CDH13: variants seen among roughly 807,000 people sequenced by gnomAD.
CDH13 encodes the protein cadherin-13.
CDH13 carries 24 observed loss-of-function variants against 63.8 expected under a neutral mutation model. The ratio of observed to expected loss-of-function variants is 0.38; its 90% confidence interval spans 0.27 to 0.53. CDH13 has a LOEUF of 0.53. Among genes scored for constraint, CDH13 ranks in the 20% least tolerant of loss-of-function variants. CDH13 has a pLI of 0.85. For synonymous variants in CDH13, 503 were observed against 355.3 expected (o/e 1.42, Z -4.67); for missense variants, 1,049 against 903.1 (o/e 1.16, Z -2.07).
intron 5 of CDH13, among the ~76,000 whole-genome samples, chr16:83,337,699 G>C (rs942182189): frequency 2.2e-5 from 3 of 134,174 alleles, no homozygotes; most frequent in Non-Finnish European, 3.0e-5. Context: ...GTGGTAGCTA[G>C]GCTGATACTA....
chr16:82,944,875 A>T (rs1410310558), intron 2 of CDH13, among the ~76,000 whole-genome samples: 1 of 152,214 alleles, frequency 6.6e-6, no homozygotes, highest in Non-Finnish European at 1.5e-5. Flanking sequence ...GGTATTAGGT[A>T]AAGCAGGTAT....
chr16:82,680,622 C>T (rs1241096107), intron 1 of CDH13, among the ~76,000 whole-genome samples: 2 of 152,112 alleles, frequency 1.3e-5, no homozygotes, highest in Non-Finnish European at 2.9e-5. Context: ...TATATTACTC[C>T]CCATCCCTGC....
At chr16:82,799,128 C>T (rs183872364) in intron 1 of CDH13, among the ~76,000 whole-genome samples, 17 of 152,122 alleles carry the variant, frequency 1.1e-4, no homozygotes, top group Admixed American at 8.5e-4. Flanking sequence ...TTATATATCC[C>T]CCTAAAATGC....
chr16:82,774,984 C>A (rs529170486), intron 1 of CDH13, among the ~76,000 whole-genome samples: 2 of 152,250 alleles, frequency 1.3e-5, no homozygotes, highest in South Asian at 4.1e-4. Context: ...ACCTGCAGCC[C>A]AGGAGCAAGA....
At chr16:82,721,245 G>A (rs2032752031) in intron 1 of CDH13, among the ~76,000 whole-genome samples, 1 of 151,794 alleles carries the variant, frequency 6.6e-6, no homozygotes, top group Non-Finnish European at 1.5e-5. Context: ...ACTTGGTAGT[G>A]GGTTCACATA....
intron 10 of CDH13, among the ~76,000 whole-genome samples, chr16:83,685,660 G>C (rs1275673146): frequency 6.6e-6 from 1 of 152,198 alleles, no homozygotes; most frequent in Non-Finnish European, 1.5e-5. Context: ...GAAAGGGAGA[G>C]AGGAAGGGAA....
At chr16:82,762,827 T>C (rs2034904930) in intron 1 of CDH13, among the ~76,000 whole-genome samples, 1 of 152,230 alleles carries the variant, frequency 6.6e-6, no homozygotes, top group Non-Finnish European at 1.5e-5. Flanking sequence ...CAGATTCTCA[T>C]GCTTGGGGAT....
At chr16:83,599,130 G>A (rs1198119586) in intron 7 of CDH13, among the ~76,000 whole-genome samples, 1 of 152,232 alleles carries the variant, frequency 6.6e-6, no homozygotes, top group African/African-American at 2.4e-5. Flanking sequence ...GGTACCAGAA[G>A]AAGAGGGAGT....
At chr16:83,200,284 C>A (rs1479077995) in intron 4 of CDH13, among the ~76,000 whole-genome samples, 1 of 152,174 alleles carries the variant, frequency 6.6e-6, no homozygotes, top group Non-Finnish European at 1.5e-5. Flanking sequence ...GGAAGCCTGC[C>A]TCCTTTTGAG....
rs374760497 is a variant in CDH13, at chr16:83,313,614, T to C, written c.637-31248T>C. ...GAAATTTTGACATGGGCAGTGCCAATAAATGACTCTCAAGAACCCTTACCA... is the reference window on the plus strand; with the variant it reads ...GAAATTTTGACATGGGCAGTGCCAACAAATGACTCTCAAGAACCCTTACCA... On this transcript the variant is annotated intron_variant, in intron 5 of 13. Transcript: ENST00000567109. 3.6e-5 allele frequency among the ~76,000 whole-genome samples: 3 copies of C among 82,416 alleles called. No individual in the cohort carries two copies. In the South Asian group the frequency reaches 1.1e-3, roughly 31 times the overall value. The allele number at this position is 82,416 out of a possible 152,430, so 54.1% of individuals were successfully genotyped here. A position where few individuals can be genotyped will look rare whatever the true frequency, so the allele number is the denominator to read the frequency against.
intron 2 of CDH13, among the ~76,000 whole-genome samples, chr16:83,029,518 A>G (rs1421211858): frequency 1.3e-5 from 2 of 152,218 alleles, no homozygotes; most frequent in African/African-American, 4.8e-5. Flanking sequence ...CTATACAGTG[A>G]TCAGTGATTA....
intron 5 of CDH13, among the ~76,000 whole-genome samples, chr16:83,227,783 G>A (rs68176655): frequency 0.1 from 15,971 of 152,196 alleles, 1,019 homozygotes; most frequent in Non-Finnish European, 0.15. Context: ...AGGCAGTGCA[G>A]ACTCGGCAGC....
chr16:82,650,894 A>G (rs1354106927), intron 1 of CDH13, among the ~76,000 whole-genome samples: 1 of 152,222 alleles, frequency 6.6e-6, no homozygotes, highest in Non-Finnish European at 1.5e-5. Flanking sequence ...TTTAAATTGG[A>G]AAGTTAAAAC....
intron 2 of CDH13, among the ~76,000 whole-genome samples, chr16:82,884,740 C>G (rs2040822540): frequency 1.3e-5 from 2 of 152,212 alleles, no homozygotes; most frequent in Admixed American, 1.3e-4. Flanking sequence ...GCCAACAAGA[C>G]TTAGGCCACT....
At chr16:83,513,076 C>A (rs531639116) in intron 7 of CDH13, among the ~76,000 whole-genome samples, 1 of 151,744 alleles carries the variant, frequency 6.6e-6, no homozygotes, top group South Asian at 2.1e-4. Flanking sequence ...ATTTTAAGCC[C>A]CAGAATTAGG....
chr16:82,954,852 C>G (rs946327693), intron 2 of CDH13: 1 of 151,914 alleles, frequency 6.6e-6, no homozygotes, highest in Non-Finnish European at 1.5e-5. Flanking sequence ...GTTTCATTCC[C>G]TTTTATGGAC....
In CDH13 at chr16:82,973,719, CT is replaced by C. The variant is rs1360921726; in HGVS notation, c.158-58286del. Among the ~76,000 whole-genome samples the C allele has an allele frequency of 3.3e-5, 5 of 152,280 alleles. No homozygotes were observed. In the East Asian group the frequency reaches 9.7e-4, roughly 29 times the overall value. On this transcript the variant is annotated intron_variant, in intron 2 of 13. Coordinates refer to ENST00000567109, the MANE Select transcript of CDH13 (RefSeq NM_001257.5). ...ATTTGAACAAGACTTATTTTTATTT[CT>C]TTTTATTCTTCTATCCCATGACATT...
chr16:82,956,826 A>T (rs1315813485), intron 2 of CDH13, among the ~76,000 whole-genome samples: 1 of 152,192 alleles, frequency 6.6e-6, no homozygotes. Context: ...ATTAATTAGG[A>T]TATGGGTTTG....
Position 83,147,412 on chromosome 16 carries a change from A to G in CDH13, c.483+21911A>G, listed in dbSNP as rs142133228. On this transcript the variant is annotated intron_variant, in intron 4 of 13. Transcript: ENST00000567109. ...TATCTGTGACTTTTAAAGAAAGTAAATCTCAACATTCCTCAGGGCTCCCTA... is the reference window on the plus strand; with the variant it reads ...TATCTGTGACTTTTAAAGAAAGTAAGTCTCAACATTCCTCAGGGCTCCCTA... Among the ~76,000 whole-genome samples the G allele has an allele frequency of 4.4e-3, 667 of 152,142 alleles. 4 individuals are homozygous for G. The highest frequency in any genetic ancestry group is 0.015 in the African/African-American group (633 of 41,514).
Sources: allele counts gnomAD v4.1 joint callset (sites outside exome capture counted in the v4.1 genomes callset), GRCh38; gene constraint gnomAD v4.1.1; transcripts MANE v1.5; gene names NCBI Gene and HGNC (gene_info 2026-07-23, HGNC 2026-07-21).